TOP1: variants seen among roughly 807,000 people sequenced by gnomAD.
TOP1 encodes the protein DNA topoisomerase 1.
Under a neutral mutation model 111.1 loss-of-function variants are expected in TOP1, and 10 were observed. The observed-to-expected ratio is 0.09, with a 90% CI of 0.06 to 0.15. The LOEUF (loss-of-function observed/expected upper bound fraction) is 0.15. Among genes scored for constraint, TOP1 ranks in the 10% least tolerant of loss-of-function variants. TOP1 has a pLI of 1.00. For synonymous variants in TOP1, 271 were observed against 302.9 expected (o/e 0.89, Z 1.10); for missense variants, 474 against 926.7 (o/e 0.51, Z 6.34).
At chr20:41,105,057 T>C (rs2034124620) in intron 13 of TOP1, among the ~76,000 whole-genome samples, 1 of 152,198 alleles carries the variant, frequency 6.6e-6, no homozygotes, top group Admixed American at 6.5e-5. Flanking sequence ...CTCAATTGTT[T>C]TATTTCATAA....
chr20:41,113,728 AAAAAT>A (rs1482348813), intron 14 of TOP1, among the ~76,000 whole-genome samples: 8 of 150,826 alleles, frequency 5.3e-5, no homozygotes, highest in Non-Finnish European at 1.2e-4. Context: ...AAAAAAAAAA[AAAAAT>A]AAAAATTGGC....
At chr20:41,056,053 A>G (rs2033466844) in intron 2 of TOP1, among the ~76,000 whole-genome samples, 1 of 152,216 alleles carries the variant, frequency 6.6e-6, no homozygotes, top group South Asian at 2.1e-4. Flanking sequence ...ACCTTTTGCC[A>G]GTTGAATTTT....
intron 2 of TOP1, among the ~76,000 whole-genome samples, chr20:41,056,672 A>T (rs920969294): frequency 6.6e-6 from 1 of 152,130 alleles, no homozygotes; most frequent in Non-Finnish European, 1.5e-5. Context: ...CGTAGAGACA[A>T]GGTCTTGCTA....
intron 13 of TOP1, among the ~76,000 whole-genome samples, chr20:41,103,192 CAT>C (rs2034091898): frequency 6.6e-6 from 1 of 152,326 alleles, no homozygotes; most frequent in East Asian, 1.9e-4. Flanking sequence ...AACATTTGCA[CAT>C]AAGTTAACAT....
In TOP1 at chr20:41,122,443, G is replaced by GA. The variant is rs2034438194; in HGVS notation, c.2195+290dup. Among the ~76,000 whole-genome samples, 1 of 151,216 alleles carries GA rather than the reference G, an allele frequency of 6.6e-6. No individual in the cohort carries two copies. The highest frequency in any genetic ancestry group is 2.4e-5 in the African/African-American group (1 of 41,420). On this transcript the variant is annotated intron_variant, in intron 20 of 20. Coordinates refer to ENST00000361337, the MANE Select transcript of TOP1 (RefSeq NM_003286.4). The surrounding 1 kb of genome is among the most constrained non-coding windows in gnomAD (Gnocchi z 5.4). ...TATTCCTAATGGAACTTTAGGACAG[G>GA]AATGGAAACTCTTAGCTTCTGGAAG...
chr20:41,115,344 T>G lies in TOP1; in HGVS notation c.1639-27T>G, dbSNP rs574906458. ...AAGTTAGGATTTTTTTCAAGAGTAA[T>G]AATTAGGATTCACTTATATCTTTTA... On this transcript the variant is annotated intron_variant, in intron 15 of 20. Transcript: ENST00000361337. The surrounding 1 kb of genome is among the most constrained non-coding windows in gnomAD (Gnocchi z 6.3). 3.9e-6 allele frequency: 6 copies of G among 1,526,438 alleles called. No homozygotes were observed. The East Asian group carries it at 1.3e-4, about 34-fold the overall frequency. 94.6% of individuals were successfully genotyped at this position (1,526,438 alleles called of 1,614,324 possible). A position where few individuals can be genotyped will look rare whatever the true frequency, so the allele number is the denominator to read the frequency against.
chr20:41,103,194 T>C (rs1356777906), intron 13 of TOP1, among the ~76,000 whole-genome samples: 1 of 152,212 alleles, frequency 6.6e-6, no homozygotes, highest in African/African-American at 2.4e-5. Context: ...CATTTGCACA[T>C]AAGTTAACAT....
intron 13 of TOP1, among the ~76,000 whole-genome samples, chr20:41,111,136 TG>T (rs1306740442): frequency 1.3e-5 from 2 of 152,188 alleles, no homozygotes; most frequent in Non-Finnish European, 2.9e-5. Flanking sequence ...AGACAGGCTT[TG>T]GTAGTCCATG....
At chr20:41,042,055 C>T (rs2122597099) in intron 2 of TOP1, among the ~76,000 whole-genome samples, 1 of 152,154 alleles carries the variant, frequency 6.6e-6, no homozygotes, top group South Asian at 2.1e-4. Flanking sequence ...ATTACAGGCA[C>T]ACCACCACCA....
At chr20:41,048,617 A>G (rs1490174781) in intron 2 of TOP1, among the ~76,000 whole-genome samples, 1 of 152,216 alleles carries the variant, frequency 6.6e-6, no homozygotes, top group East Asian at 1.9e-4. Flanking sequence ...TTAGAAAGTG[A>G]AATTGACTTT....
chr20:41,032,227 A>C lies in TOP1; in HGVS notation c.58+2772A>C, dbSNP rs1303607881. ...ATTTTGCCTGCCCTCATCCCCTAAG[A>C]TATAAAAGATTCCCCCCCGTCCCCC... is the stretch of plus-strand genomic sequence containing the variant. On this transcript the variant is annotated intron_variant, in intron 2 of 20. Transcript: ENST00000361337. This position sits in a 1 kb window ranked among gnomAD's most constrained non-coding sequence, Gnocchi z 4.3. Among the ~76,000 whole-genome samples, 1 of 152,088 alleles carries C rather than the reference A, an allele frequency of 6.6e-6. No individual in the cohort carries two copies. The highest frequency in any genetic ancestry group is 2.4e-5 in the African/African-American group (1 of 41,392).
At chr20:41,062,279 G>A (rs1367977269) in intron 3 of TOP1, among the ~76,000 whole-genome samples, 1 of 152,196 alleles carries the variant, frequency 6.6e-6, no homozygotes, top group Non-Finnish European at 1.5e-5. Context: ...TAGAACAAGT[G>A]TCTCCATTGT....
chr20:41,099,132 C>G (rs747794909), intron 11 of TOP1, among the ~76,000 whole-genome samples: 1 of 152,102 alleles, frequency 6.6e-6, no homozygotes. Context: ...AAAGGACTTG[C>G]GTGTTTACGT....
At chr20:41,111,254 T>C (rs1016984379) in intron 13 of TOP1, among the ~76,000 whole-genome samples, 1 of 152,212 alleles carries the variant, frequency 6.6e-6, no homozygotes, top group Non-Finnish European at 1.5e-5. Flanking sequence ...ACAGTTGTCA[T>C]GGAGATTTAC....
At chr20:41,091,749 GT>G (rs2033923158) in intron 8 of TOP1, among the ~76,000 whole-genome samples, 1 of 151,828 alleles carries the variant, frequency 6.6e-6, no homozygotes, top group Non-Finnish European at 1.5e-5. Context: ...TAGAGACGGA[GT>G]TTCACCACAT....
In TOP1 at chr20:41,094,393, A is replaced by G. The variant is rs2033958060; in HGVS notation, c.730+1806A>G. Among the ~76,000 whole-genome samples, 6 of 152,152 alleles carry G rather than the reference A, an allele frequency of 3.9e-5. No individual in the cohort carries two copies. Among genetic ancestry groups the G allele is most frequent in the Admixed American group, 3.9e-4 (6 of 15,274 alleles). On this transcript the variant is annotated intron_variant, in intron 9 of 20. Coordinates refer to ENST00000361337, the MANE Select transcript of TOP1 (RefSeq NM_003286.4). This position sits in a 1 kb window ranked among gnomAD's most constrained non-coding sequence, Gnocchi z 4.4. ...TAGGTATTCCGTAGGCCTGGTCTGG[A>G]CTTACCAAGAGCTTTAGGATGCTCA...
At position 41,046,252 on chromosome 20, in the gene TOP1, G is replaced by A. The variant is rs554179892; in HGVS notation, c.59-15142G>A. Among the ~76,000 whole-genome samples, 45 of 152,236 alleles carry A rather than the reference G, an allele frequency of 3.0e-4. 1 individual carries two copies. In the South Asian group the frequency reaches 8.9e-3, roughly 30 times the overall value. The stretch of plus-strand genomic sequence containing the variant: ...TACTATTTCCAGTAATGTTCACTGG[G>A]CCAGTTTACTTTTGAAGAAATTGAA... On this transcript the variant is annotated intron_variant, in intron 2 of 20. Coordinates refer to ENST00000361337, the MANE Select transcript of TOP1 (RefSeq NM_003286.4). This position sits in a 1 kb window ranked among gnomAD's most constrained non-coding sequence, Gnocchi z 4.3.
rs188559272 is a variant in TOP1, at chr20:41,078,651, G to T, written c.335+1014G>T. 1.9e-3 allele frequency among the ~76,000 whole-genome samples: 293 copies of T among 152,246 alleles called. 1 individual carries two copies. The highest frequency in any genetic ancestry group is 3.2e-3 in the Non-Finnish European group (215 of 68,030). On this transcript the variant is annotated intron_variant, in intron 5 of 20. Coordinates refer to ENST00000361337, the MANE Select transcript of TOP1 (RefSeq NM_003286.4). The surrounding 1 kb of genome is among the most constrained non-coding windows in gnomAD (Gnocchi z 5.3). ...ATAAAGTGACTGAGGAGGCACTGCT[G>T]GGCTAATCTCTGCCAAGAGACTGCC...
intron 3 of TOP1, among the ~76,000 whole-genome samples, chr20:41,065,458 C>T (rs2033595530): frequency 6.6e-6 from 1 of 152,216 alleles, no homozygotes; most frequent in South Asian, 2.1e-4. Context: ...GCATTTAGTA[C>T]ATTGACAATA....
Sources: allele counts gnomAD v4.1 joint callset (sites outside exome capture counted in the v4.1 genomes callset), GRCh38; gene constraint gnomAD v4.1.1; non-coding constraint Gnocchi (gnomAD v3.1); transcripts MANE v1.5; gene names NCBI Gene and HGNC (gene_info 2026-07-23, HGNC 2026-07-21).